The following KIF25 variants were observed in gnomAD, a reference collection of about 807,000 sequenced individuals.
KIF25 encodes the protein kinesin-like protein KIF25.
A neutral mutation model predicts 32.9 loss-of-function variants in KIF25; 19 were observed. The observed-to-expected ratio is 0.58, with a 90% confidence interval of 0.40 to 0.85. The LOEUF (loss-of-function observed/expected upper bound fraction) is 0.85, where lower values mean the gene tolerates loss of function less well. Ranked by LOEUF, KIF25 falls within the 40% of genes least tolerant of loss-of-function variation. KIF25 has a pLI of 0.00. For missense variants in KIF25, 485 were observed against 507.0 expected (o/e 0.96, Z 0.42); for synonymous variants, 225 against 213.7 (o/e 1.05, Z -0.46).
At chr6:168,032,744 G>C (rs564015195) in intron 7 of KIF25, among the ~76,000 whole-genome samples, 1 of 152,184 alleles carries the variant, frequency 6.6e-6, no homozygotes, top group Admixed American at 6.5e-5. Flanking sequence ...CGTTAAACCG[G>C]TATTGATACA....
chr6:168,013,041 T>C (rs1193154117), intron 4 of KIF25, among the ~76,000 whole-genome samples: 5 of 152,000 alleles, frequency 3.3e-5, no homozygotes, highest in Non-Finnish European at 7.4e-5. Flanking sequence ...GGGATATGCT[T>C]ACTGATGGTG....
rs1798453784 is a variant in KIF25 at position 167,998,545 on chromosome 6, A to G, written c.-924A>G. On this transcript the variant is annotated 5_prime_UTR_variant, in exon 1 of 13. Coordinates refer to ENST00000643607, the MANE Select transcript of KIF25 (RefSeq NM_030615.4). ...GAAGATGTGTTGCTCACTGGAAACC[A>G]GTGGAGTTTATGAGAATAAAAAGCT... 1.3e-5 allele frequency: 2 copies of G among 152,242 alleles called. No homozygotes were observed. The highest frequency in any genetic ancestry group is 4.8e-5 in the African/African-American group (2 of 41,464). 9.4% of individuals were successfully genotyped at this position (152,242 alleles called of 1,614,324 possible).
At chr6:168,031,332 A>G (rs1562388774) in intron 7 of KIF25, among the ~76,000 whole-genome samples, 1 of 152,212 alleles carries the variant, frequency 6.6e-6, no homozygotes. Context: ...GAGACACCTT[A>G]AGCCAATACT....
intron 8 of KIF25, among the ~76,000 whole-genome samples, chr6:168,034,416 A>G (rs376354800): frequency 1.4e-3 from 209 of 152,050 alleles, no homozygotes; most frequent in African/African-American, 4.8e-3. Context: ...GTGCCACCAC[A>G]CCCAGCTAAT....
At chr6:168,036,128 A>G (rs140277013) in intron 8 of KIF25, 2 of 184,060 alleles carry the variant, frequency 1.1e-5, no homozygotes, top group East Asian at 2.8e-4. Flanking sequence ...TTTAAAGTAA[A>G]TAAAATGCTA....
intron 4 of KIF25, among the ~76,000 whole-genome samples, chr6:168,009,230 G>A (rs1798616275): frequency 2.0e-5 from 3 of 149,182 alleles, no homozygotes; most frequent in Admixed American, 1.4e-4. Context: ...TTATATTGAG[G>A]TTGTTTTTTT....
At chr6:168,032,796 C>A (rs890366764) in intron 7 of KIF25, among the ~76,000 whole-genome samples, 2 of 152,208 alleles carry the variant, frequency 1.3e-5, no homozygotes, top group African/African-American at 4.8e-5. Flanking sequence ...TTTCTGAGTG[C>A]AGGACTTGCT....
intron 4 of KIF25, among the ~76,000 whole-genome samples, chr6:168,004,027 C>A (rs1393779311): frequency 6.6e-6 from 1 of 152,180 alleles, no homozygotes; most frequent in Non-Finnish European, 1.5e-5. Context: ...CATGGGTGAA[C>A]TTTGTGATTC....
Position 168,044,852 on chromosome 6 carries a change from T to C in KIF25, c.1011T>C (p.Ile337=), listed in dbSNP as rs1799195213. 1 of 1,599,132 alleles carries C rather than the reference T, an allele frequency of 6.3e-7. No homozygotes were observed. The highest frequency in any genetic ancestry group is 1.1e-5 in the South Asian group (1 of 88,970). Reference sequence around the variant, plus strand: ...GAGGCGATGCGAAGTTACTGGTGATTCTCTGCATTTCTCCCAGCCAGAGGC... The same window carrying C: ...GAGGCGATGCGAAGTTACTGGTGATCCTCTGCATTTCTCCCAGCCAGAGGC... ...CLGGDAKLLV[I]LCISPSQRHL... The change falls in exon 13 of 13, where the codon ATT becomes ATC. Residue 337 remains isoleucine (I), a synonymous_variant. Transcript: ENST00000643607.
At chr6:168,036,739 C>T (rs1327698193) in intron 8 of KIF25, among the ~76,000 whole-genome samples, 2 of 152,146 alleles carry the variant, frequency 1.3e-5, no homozygotes, top group Non-Finnish European at 2.9e-5. Context: ...TGCATTTTGC[C>T]TAAGGTGTGG....
intron 4 of KIF25, among the ~76,000 whole-genome samples, chr6:168,006,882 A>G (rs1367529018): frequency 6.6e-6 from 1 of 152,222 alleles, no homozygotes; most frequent in East Asian, 1.9e-4. Flanking sequence ...ATAGCCTTAT[A>G]CTTTTTAAAA....
intron 5 of KIF25, among the ~76,000 whole-genome samples, chr6:168,019,265 A>G (rs1345340127): frequency 2.6e-5 from 4 of 152,238 alleles, no homozygotes; most frequent in African/African-American, 7.2e-5. Flanking sequence ...GATTCAAGGA[A>G]GTAGGAAAAT....
At chr6:168,012,910 T>C (rs562235347) in intron 4 of KIF25, among the ~76,000 whole-genome samples, 40 of 152,240 alleles carry the variant, frequency 2.6e-4, no homozygotes, top group African/African-American at 9.1e-4. Context: ...TGTGGCTGTT[T>C]CGTGGGTTTG....
chr6:168,012,769 C>T (rs1798665071), intron 4 of KIF25, among the ~76,000 whole-genome samples: 1 of 152,134 alleles, frequency 6.6e-6, no homozygotes, highest in Non-Finnish European at 1.5e-5. Context: ...GTCTGGGTCA[C>T]AGCTGCGTGA....
chr6:168,033,844 CGT>C (rs1562389817), intron 7 of KIF25, 36 bp from the exon 8 acceptor site: 9 of 1,587,076 alleles, frequency 5.7e-6, no homozygotes, highest in Admixed American at 1.7e-5. Flanking sequence ...TTGGCACCCA[CGT>C]GTGTTTTGCT....
At chr6:168,004,141 A>G (rs910597219) in intron 4 of KIF25, among the ~76,000 whole-genome samples, 6 of 152,162 alleles carry the variant, frequency 3.9e-5, no homozygotes, top group Non-Finnish European at 7.4e-5. Context: ...CCAACACCCC[A>G]GGGGTGTCTG....
chr6:168,025,819 C>T (rs563416494), intron 5 of KIF25, among the ~76,000 whole-genome samples: 37 of 152,314 alleles, frequency 2.4e-4, no homozygotes, highest in African/African-American at 5.8e-4. Context: ...TTTCCCCACG[C>T]GGCTTACACA....
chr6:168,015,570 A>T (rs1438789252), intron 4 of KIF25, among the ~76,000 whole-genome samples: 1 of 152,180 alleles, frequency 6.6e-6, no homozygotes, highest in Non-Finnish European at 1.5e-5. Context: ...TCTTCAGGGA[A>T]GTGGCTCCAG....
At chr6:167,999,554 C>G (rs976665377) in intron 2 of KIF25, among the ~76,000 whole-genome samples, 3 of 152,326 alleles carry the variant, frequency 2.0e-5, no homozygotes, top group African/African-American at 7.2e-5. Flanking sequence ...GCCTCTCGTG[C>G]GTGGTAGTGG....
Sources: gnomAD v4.1 joint callset for allele counts (sites outside exome capture counted in the v4.1 genomes callset) on GRCh38, gnomAD v4.1.1 for gene constraint, MANE v1.5 for transcripts, NCBI Gene and HGNC (gene_info 2026-07-23, HGNC 2026-07-21) for gene names.